The following SH3RF1 variants were observed in gnomAD, a reference collection of about 807,000 sequenced individuals.
SH3RF1 encodes the protein E3 ubiquitin-protein ligase SH3RF1.
In SH3RF1, 32 loss-of-function variants were observed where a neutral mutation model predicts 74.0. That is an observed-to-expected ratio of 0.43 (90% CI 0.33 to 0.58). The LOEUF (loss-of-function observed/expected upper bound fraction) is 0.58, where lower values mean the gene tolerates loss of function less well. Among genes scored for constraint, SH3RF1 ranks in the 20% least tolerant of loss-of-function variants. SH3RF1 has a pLI of 0.05. For synonymous variants in SH3RF1, 396 were observed against 439.6 expected (o/e 0.90, Z 1.24); for missense variants, 954 against 1,130.9 (o/e 0.84, Z 2.24).
At chr4:169,222,815 C>T (rs879006471) in intron 2 of SH3RF1, among the ~76,000 whole-genome samples, 2 of 152,134 alleles carry the variant, frequency 1.3e-5, no homozygotes, top group Admixed American at 1.3e-4. Flanking sequence ...CATGTTTATT[C>T]CTTCCTGCTC....
At chr4:169,244,120 T>C (rs1328606746) in intron 2 of SH3RF1, among the ~76,000 whole-genome samples, 1 of 152,248 alleles carries the variant, frequency 6.6e-6, no homozygotes, top group East Asian at 1.9e-4. Flanking sequence ...CAAAATTACA[T>C]GGAGTGAGTT....
intron 2 of SH3RF1, among the ~76,000 whole-genome samples, chr4:169,227,346 T>A (rs890977275): frequency 6.6e-6 from 1 of 152,244 alleles, no homozygotes. Flanking sequence ...TTCTCTCTTA[T>A]GTGCATTTGA....
intron 8 of SH3RF1, among the ~76,000 whole-genome samples, chr4:169,119,278 ATTTTTTTTTTTT>A (rs11397253): frequency 1.5e-5 from 1 of 66,410 alleles, no homozygotes; most frequent in South Asian, 6.0e-4. Flanking sequence ...TAATTTTTGT[ATTTTTTTTTTTT>A]TTTTTTTTTT....
intron 2 of SH3RF1, 143 bp from the exon 3 acceptor site, chr4:169,156,822 T>C: frequency 4.1e-6 from 3 of 725,368 alleles, no homozygotes; most frequent in South Asian, 4.2e-5. Context: ...AAAAACAATA[T>C]ATATGTGTTA....
At chr4:169,249,689 C>A (rs1731065680) in intron 2 of SH3RF1, among the ~76,000 whole-genome samples, 1 of 152,136 alleles carries the variant, frequency 6.6e-6, no homozygotes, top group African/African-American at 2.4e-5. Flanking sequence ...CACAGAGCAA[C>A]AGTAGGAAGG....
chr4:169,112,389 G>C (rs1733257831), intron 10 of SH3RF1, among the ~76,000 whole-genome samples: 2 of 152,294 alleles, frequency 1.3e-5, no homozygotes, highest in East Asian at 1.9e-4. Flanking sequence ...GAAATATTGA[G>C]AACTTGGAAT....
In SH3RF1 at chr4:169,107,005, C is replaced by A; in HGVS notation, c.2340G>T (p.Pro780=). The A allele has an allele frequency of 6.2e-7, 1 of 1,613,936 alleles. No homozygotes were observed. The highest frequency in any genetic ancestry group is 8.5e-7 in the Non-Finnish European group (1 of 1,179,986). ...CTGCTCCTGCCACTGCAGTCGTGAC[C>A]GGTCCGTCCCCGTCCACAGGGCAGG... ...AGSCPVDGDG[P]VTTAVAGAAL... The change falls in exon 11 of 12, where the codon CCG becomes CCT. Residue 780 remains proline (P), a synonymous_variant. Coordinates refer to ENST00000284637, the MANE Select transcript of SH3RF1 (RefSeq NM_020870.4).
chr4:169,211,481 CAAAAAAAA>C (rs760721489), intron 2 of SH3RF1, among the ~76,000 whole-genome samples: 1 of 90,976 alleles, frequency 1.1e-5, no homozygotes, highest in Admixed American at 1.2e-4. Flanking sequence ...GACTCCGTCT[CAAAAAAAA>C]AAAAAAAAAA....
intron 2 of SH3RF1, among the ~76,000 whole-genome samples, chr4:169,256,896 C>G (rs1731201783): frequency 6.6e-6 from 1 of 152,238 alleles, no homozygotes; most frequent in South Asian, 2.1e-4. Context: ...AGCCAATCCA[C>G]TTGCCCCAGA....
chr4:169,208,787 C>T (rs1730306056), intron 2 of SH3RF1, among the ~76,000 whole-genome samples: 1 of 152,154 alleles, frequency 6.6e-6, no homozygotes, highest in Admixed American at 6.5e-5. Context: ...AGCTACCCAA[C>T]ATTCATTTCA....
rs116208849 is a variant in SH3RF1 at position 169,096,762 on chromosome 4, C to T, written c.2499-75G>A. ...AAAAATGGTGTACTGTTAGTCTGCACGAACCTTCAACATAAATAGGAAATA... is the reference window on the plus strand; with the variant it reads ...AAAAATGGTGTACTGTTAGTCTGCATGAACCTTCAACATAAATAGGAAATA... On this transcript the variant is annotated intron_variant, in intron 11 of 11. Transcript: ENST00000284637. 55 of 1,348,172 alleles carry T rather than the reference C, an allele frequency of 4.1e-5. 1 individual carries two copies. The African/African-American group carries it at 4.5e-4, about 11-fold the overall frequency. The allele number at this position is 1,348,172 out of a possible 1,614,324, so 83.5% of individuals were successfully genotyped here. A position where few individuals can be genotyped will look rare whatever the true frequency, so the allele number is the denominator to read the frequency against.
At chr4:169,167,108 G>A in intron 2 of SH3RF1, 1 of 164,762 alleles carries the variant, frequency 6.1e-6, no homozygotes, top group Non-Finnish European at 1.3e-5. Context: ...CTCACAAAGT[G>A]GTGCTCTAAA....
At chr4:169,146,796 C>A (rs11932941) in intron 4 of SH3RF1, among the ~76,000 whole-genome samples, 30,190 of 151,678 alleles carry the variant, frequency 0.2, 3,142 homozygotes, top group African/African-American at 0.27. Context: ...TTTTGGGGAG[C>A]GTAAAAAGCT....
At chr4:169,181,078 CAT>C (rs1734502427) in intron 2 of SH3RF1, among the ~76,000 whole-genome samples, 1 of 152,086 alleles carries the variant, frequency 6.6e-6, no homozygotes, top group South Asian at 2.1e-4. Flanking sequence ...AGAAAAACCA[CAT>C]ATAAAATTCG....
At chr4:169,129,798 T>C (rs1257731291) in intron 6 of SH3RF1, among the ~76,000 whole-genome samples, 1 of 152,150 alleles carries the variant, frequency 6.6e-6, no homozygotes, top group Non-Finnish European at 1.5e-5. Context: ...TTAATGAAAA[T>C]TAAATGTATT....
chr4:169,145,670 G>C (rs10016930), intron 4 of SH3RF1, among the ~76,000 whole-genome samples: 1 of 145,868 alleles, frequency 6.9e-6, no homozygotes, highest in Non-Finnish European at 1.5e-5. Flanking sequence ...GGCTGGTCTC[G>C]AACTCCTGAC....
At chr4:169,254,932 G>T (rs984811348) in intron 2 of SH3RF1, among the ~76,000 whole-genome samples, 7 of 152,122 alleles carry the variant, frequency 4.6e-5, no homozygotes, top group African/African-American at 1.7e-4. Flanking sequence ...GGAGGTCAGG[G>T]CTGCACCACA....
intron 2 of SH3RF1, among the ~76,000 whole-genome samples, chr4:169,192,303 C>T (rs947076209): frequency 5.3e-5 from 8 of 151,768 alleles, no homozygotes; most frequent in African/African-American, 1.7e-4. Flanking sequence ...TGCTGAACAT[C>T]ACTAATGATC....
intron 2 of SH3RF1, among the ~76,000 whole-genome samples, chr4:169,167,511 T>C (rs1002682359): frequency 7.2e-5 from 11 of 152,168 alleles, no homozygotes; most frequent in African/African-American, 2.7e-4. Context: ...CACAGCACTA[T>C]TTATAATACC....
Sources: allele counts gnomAD v4.1 joint callset (sites outside exome capture counted in the v4.1 genomes callset), GRCh38; gene constraint gnomAD v4.1.1; transcripts MANE v1.5; gene names NCBI Gene and HGNC (gene_info 2026-07-23, HGNC 2026-07-21).